Variants in ZYG11B observed in about 807,000 individuals in gnomAD.
The protein encoded by ZYG11B is protein zyg-11 homolog B.
A neutral mutation model predicts 82.4 loss-of-function variants in ZYG11B; 36 were observed. The observed-to-expected ratio is 0.44, with a 90% CI of 0.33 to 0.58. The LOEUF (loss-of-function observed/expected upper bound fraction) is 0.58, where lower values mean the gene tolerates loss of function less well. Ranked by LOEUF, ZYG11B falls within the 20% of genes least tolerant of loss-of-function variation. ZYG11B has a pLI of 0.02. For synonymous variants in ZYG11B, 303 were observed against 312.8 expected, an observed-to-expected ratio of 0.97 and a Z score of 0.33; for missense variants, 552 against 895.6, an observed-to-expected ratio of 0.62 and a Z score of 4.90.
At chr1:52,732,781 C>G (rs1644344301) in intron 1 of ZYG11B, among the ~76,000 whole-genome samples, 1 of 151,092 alleles carries the variant, frequency 6.6e-6, no homozygotes, top group Non-Finnish European at 1.5e-5. Flanking sequence ...AAAGGCCACC[C>G]TGGCCAATGT....
intron 3 of ZYG11B, chr1:52,772,603 A>G: frequency 1.5e-6 from 2 of 1,357,088 alleles, no homozygotes; most frequent in Non-Finnish European, 2.1e-6. Flanking sequence ...CGATAGGGTA[A>G]AGCCGACTGG....
intron 1 of ZYG11B, among the ~76,000 whole-genome samples, chr1:52,734,664 A>AT (rs1644363427): frequency 6.6e-6 from 1 of 151,544 alleles, no homozygotes; most frequent in Admixed American, 6.6e-5. Flanking sequence ...AAAAAAAAAA[A>AT]GTGATTTGGC....
intron 6 of ZYG11B, 122 bp from the exon 7 acceptor site, chr1:52,796,170 T>C: frequency 1.6e-6 from 1 of 637,844 alleles, no homozygotes; most frequent in Non-Finnish European, 2.8e-6. Context: ...TCTCTACCAG[T>C]TAAGAGGAAT....
intron 1 of ZYG11B, among the ~76,000 whole-genome samples, chr1:52,735,592 A>T (rs1250454161): frequency 6.6e-6 from 1 of 151,910 alleles, no homozygotes; most frequent in Non-Finnish European, 1.5e-5. Context: ...ACTGGAGTGC[A>T]GTGGCGCGAT....
chr1:52,756,815 C>CTTT (rs57189955), intron 2 of ZYG11B, among the ~76,000 whole-genome samples, 192 bp downstream of exon 2: 1 of 132,560 alleles, frequency 7.5e-6, no homozygotes, highest in Non-Finnish European at 1.6e-5. Flanking sequence ...AAACATTTTT[C>CTTT]TTTTTTTTTT....
intron 10 of ZYG11B, among the ~76,000 whole-genome samples, chr1:52,812,684 C>G (rs778519445): frequency 1.3e-5 from 2 of 151,666 alleles, no homozygotes; most frequent in African/African-American, 2.4e-5. Context: ...GGATTACAGG[C>G]ATGAACCACC....
At chr1:52,810,407 G>A (rs1645172882) in intron 10 of ZYG11B, among the ~76,000 whole-genome samples, 1 of 152,090 alleles carries the variant, frequency 6.6e-6, no homozygotes, top group Non-Finnish European at 1.5e-5. Flanking sequence ...CTCACTTTAT[G>A]TGCAAATTCC....
chr1:52,732,508 C>G (rs1283041690), intron 1 of ZYG11B, among the ~76,000 whole-genome samples: 2 of 152,082 alleles, frequency 1.3e-5, no homozygotes, highest in African/African-American at 4.8e-5. Flanking sequence ...GCCTGTAATC[C>G]CAGCACTTTG....
intron 3 of ZYG11B, among the ~76,000 whole-genome samples, chr1:52,773,623 ATATATTTTTTTTTTTTTTTT>A (rs1644776145): frequency 1.0e-4 from 3 of 28,788 alleles, no homozygotes; most frequent in Admixed American, 6.2e-4. Flanking sequence ...ATATATATAT[ATATATTTTTTTTTTTTTTTT>A]TTTTTTTTTT....
rs771062294 is a variant in ZYG11B, at chr1:52,784,918, A to C, written c.1134A>C (p.Pro378=). Residue 378 remains proline (P), a synonymous_variant, in exon 5 of 14, where the codon CCA becomes CCC. Transcript: ENST00000294353. ...TGMRNHPMNL[P]VQLAASACVF... is the part of the protein sequence containing the mutation. The stretch of plus-strand genomic sequence containing the variant: ...TGAGAAACCACCCTATGAATTTGCC[A>C]GTGCAACTGGCTGCAAGCGCCTGTG... The C allele has an allele frequency of 1.7e-5, 27 of 1,613,768 alleles. No individual in the cohort carries two copies. The highest frequency in any genetic ancestry group is 6.8e-6 in the Non-Finnish European group (8 of 1,179,974).
chr1:52,770,035 T>C (rs982615340), intron 2 of ZYG11B, among the ~76,000 whole-genome samples: 3 of 148,956 alleles, frequency 2.0e-5, no homozygotes, highest in African/African-American at 7.4e-5. Context: ...TTTACATTCA[T>C]CTGCAGGAGG....
chr1:52,797,555 T>C (rs889003495), intron 8 of ZYG11B, among the ~76,000 whole-genome samples: 11 of 141,480 alleles, frequency 7.8e-5, no homozygotes, highest in African/African-American at 2.6e-4. Context: ...TCGCCCAGGC[T>C]GGGAGTGCAG....
intron 10 of ZYG11B, among the ~76,000 whole-genome samples, chr1:52,809,431 G>A (rs552718920): frequency 6.4e-4 from 98 of 152,098 alleles, no homozygotes; most frequent in African/African-American, 2.2e-3. Context: ...CAGGTGATCC[G>A]CTTGCCTCTG....
chr1:52,765,760 C>G (rs1328864277), intron 2 of ZYG11B, among the ~76,000 whole-genome samples: 1 of 152,150 alleles, frequency 6.6e-6, no homozygotes, highest in Non-Finnish European at 1.5e-5. Context: ...GTCTCATCCT[C>G]CCAAAGTACT....
At chr1:52,774,609 A>ATTTTTTTTTTTTTTTTTTT in intron 3 of ZYG11B, among the ~76,000 whole-genome samples, 1 of 111,148 alleles carries the variant, frequency 9.0e-6, no homozygotes, top group Non-Finnish European at 1.7e-5. Flanking sequence ...GCCTGGCCTA[A>ATTTTTTTTTTTTTTTTTTT]TTTTTTTTTT....
intron 1 of ZYG11B, among the ~76,000 whole-genome samples, chr1:52,747,472 G>T (rs755424655): frequency 3.3e-5 from 5 of 152,084 alleles, no homozygotes; most frequent in Non-Finnish European, 7.4e-5. Flanking sequence ...AGCAGAAAAA[G>T]TATGGACTTC....
chr1:52,726,580 T>C lies in ZYG11B; in HGVS notation c.-74T>C, dbSNP rs1471203961. On this transcript the variant is annotated 5_prime_UTR_variant, in exon 1 of 14. Coordinates refer to ENST00000294353, the MANE Select transcript of ZYG11B (RefSeq NM_024646.3). Reference sequence around the variant, plus strand: ...GGAGCCGCCGCTCGCCGGAGCCTCCTGGAGCCTCCGCGCCGGCTCAGCCTG... The same window carrying C: ...GGAGCCGCCGCTCGCCGGAGCCTCCCGGAGCCTCCGCGCCGGCTCAGCCTG... The C allele has an allele frequency of 1.0e-5, 14 of 1,344,074 alleles. No individual in the cohort carries two copies. Among genetic ancestry groups the C allele is most frequent in the Non-Finnish European group, 1.3e-5 (14 of 1,051,586 alleles). 83.3% of individuals were successfully genotyped at this position (1,344,074 alleles called of 1,614,324 possible).
intron 10 of ZYG11B, among the ~76,000 whole-genome samples, chr1:52,802,494 G>C (rs534662855): frequency 6.6e-6 from 1 of 151,742 alleles, no homozygotes; most frequent in African/African-American, 2.4e-5. Flanking sequence ...GGGACTATAG[G>C]TGTGCACCAC....
chr1:52,772,620 C>G, intron 3 of ZYG11B: 2 of 1,137,406 alleles, frequency 1.8e-6, no homozygotes, highest in Non-Finnish European at 2.7e-6. Context: ...CTGGGACAGG[C>G]CCTTCTCAGG....
Sources: gnomAD v4.1 joint callset for allele counts (sites outside exome capture counted in the v4.1 genomes callset) on GRCh38, gnomAD v4.1.1 for gene constraint, MANE v1.5 for transcripts, NCBI Gene and HGNC (gene_info 2026-07-23, HGNC 2026-07-21) for gene names.